The following PLCG2 variants were observed in gnomAD, a reference collection of about 807,000 sequenced individuals.
The protein encoded by PLCG2 is phospholipase C gamma 2.
A neutral mutation model predicts 175.6 loss-of-function variants in PLCG2; 69 were observed. That is an observed-to-expected ratio of 0.39 (90% CI 0.32 to 0.48). PLCG2 has a LOEUF of 0.48. Among genes scored for constraint, PLCG2 ranks in the 20% least tolerant of loss-of-function variants. The pLI, the probability that PLCG2 is intolerant of heterozygous loss-of-function variation, is 0.91. For synonymous variants in PLCG2, 827 were observed against 624.0 expected, an observed-to-expected ratio of 1.33 and a Z score of -4.85; for missense variants, 1,798 against 1,650.9, an observed-to-expected ratio of 1.09 and a Z score of -1.54.
upstream of PLCG2, among the ~76,000 whole-genome samples, chr16:81,776,429 C>T (rs1249128089): frequency 1.3e-5 from 2 of 151,368 alleles, no homozygotes; most frequent in Admixed American, 6.6e-5. Flanking sequence ...TCTTTCCCTA[C>T]CTATTTTATT....
intron 2 of PLCG2, among the ~76,000 whole-genome samples, chr16:81,822,835 A>G (rs1251131338): frequency 2.7e-5 from 4 of 150,682 alleles, no homozygotes; most frequent in African/African-American, 9.7e-5. Flanking sequence ...TGATGGCAAC[A>G]GAGGTTGGAA....
At position 81,937,923 on chromosome 16, in the gene PLCG2, C is replaced by G. The variant is rs141049260; in HGVS notation, c.3198+20C>G. 4.6e-4 allele frequency: 740 copies of G among 1,612,892 alleles called. No homozygotes were observed. The highest frequency in any genetic ancestry group is 5.5e-4 in the Non-Finnish European group (646 of 1,179,216). Reference sequence around the variant, plus strand: ...GTCAAGGTAAAGCCAGCCCTCCCTTCCTGCCAGGGGAGCCAGCCGCCCTCC... The same window carrying G: ...GTCAAGGTAAAGCCAGCCCTCCCTTGCTGCCAGGGGAGCCAGCCGCCCTCC... On this transcript the variant is annotated intron_variant, in intron 28 of 32. Coordinates refer to ENST00000564138, the MANE Select transcript of PLCG2 (RefSeq NM_002661.5).
chr16:81,751,565 T>A (rs1909813294), intron 1 of PLCG2, among the ~76,000 whole-genome samples: 1 of 152,098 alleles, frequency 6.6e-6, no homozygotes. Flanking sequence ...GCGTGGTAAA[T>A]GTCATTAATA....
chr16:81,800,528 C>T (rs1461763744), intron 2 of PLCG2, among the ~76,000 whole-genome samples: 1 of 152,130 alleles, frequency 6.6e-6, no homozygotes, highest in Non-Finnish European at 1.5e-5. Flanking sequence ...ATCTATGTCC[C>T]TGCGAAGGAC....
In PLCG2 at chr16:81,959,452, A is replaced by T. The variant is rs1473301535; in HGVS notation, c.*1454A>T. On this transcript the variant is annotated 3_prime_UTR_variant, in exon 33 of 33. Transcript: ENST00000564138. ...ACAGTGCCAAGATTTGGGGGTGTGG[A>T]TGTTTAAACAAAAAGCTGTGGGTCT... is the stretch of plus-strand genomic sequence containing the variant. 1.4e-5 allele frequency: 3 copies of T among 218,292 alleles called. No homozygotes were observed. The highest frequency in any genetic ancestry group is 2.8e-5 in the Non-Finnish European group (3 of 108,736). 13.5% of individuals were successfully genotyped at this position (218,292 alleles called of 1,614,324 possible).
chr16:81,944,057 T>TA (rs1911058454), intron 30 of PLCG2, among the ~76,000 whole-genome samples: 2 of 152,270 alleles, frequency 1.3e-5, no homozygotes, highest in Admixed American at 1.3e-4. Flanking sequence ...ATCCAGCCAT[T>TA]AAAAAATATA....
intron 7 of PLCG2, among the ~76,000 whole-genome samples, chr16:81,875,901 G>A (rs1203262870): frequency 1.3e-5 from 2 of 152,016 alleles, no homozygotes; most frequent in Non-Finnish European, 2.9e-5. Context: ...CTGTGACGAT[G>A]TTTGTGGAGG....
At chr16:81,932,857 G>GC (rs1242444572) in intron 25 of PLCG2, among the ~76,000 whole-genome samples, 1 of 152,234 alleles carries the variant, frequency 6.6e-6, no homozygotes, top group Non-Finnish European at 1.5e-5. Context: ...GGAACCATGA[G>GC]CTTGTAGCCA....
rs759221531 is a variant in PLCG2 at position 81,958,036 on chromosome 16, G to A, written c.*38G>A. 2.1e-5 allele frequency: 30 copies of A among 1,454,290 alleles called. No homozygotes were observed. The highest frequency in any genetic ancestry group is 1.7e-4 in the Middle Eastern group (1 of 5,800). 90.1% of individuals were successfully genotyped at this position (1,454,290 alleles called of 1,614,324 possible). ...GTGTGTAAGGGTATTGTGTGTGTGCGCATGTGTGTTTGCATGTAGGAGAAC... is the reference window on the plus strand; with the variant it reads ...GTGTGTAAGGGTATTGTGTGTGTGCACATGTGTGTTTGCATGTAGGAGAAC... On this transcript the variant is annotated 3_prime_UTR_variant, in exon 33 of 33. Transcript: ENST00000564138.
At chr16:81,820,988 G>A (rs1461286306) in intron 2 of PLCG2, among the ~76,000 whole-genome samples, 3 of 143,328 alleles carry the variant, frequency 2.1e-5, no homozygotes, top group Admixed American at 7.0e-5. Context: ...AACTCCTGAC[G>A]TCAAATGATC....
chr16:81,786,317 G>T, intron 2 of PLCG2, 135 bp downstream of exon 2: 1 of 745,722 alleles, frequency 1.3e-6, no homozygotes, highest in Non-Finnish European at 2.2e-6. Context: ...TAAAATGAAA[G>T]CATTGCCAGT....
chr16:81,914,766 A>T (rs1909770520), intron 19 of PLCG2, among the ~76,000 whole-genome samples: 1 of 152,068 alleles, frequency 6.6e-6, no homozygotes, highest in South Asian at 2.1e-4. Context: ...CTTATGTAAC[A>T]TTGGCTGGGA....
chr16:81,926,493 A>T (rs1185303351), intron 22 of PLCG2, among the ~76,000 whole-genome samples: 1 of 152,240 alleles, frequency 6.6e-6, no homozygotes, highest in Non-Finnish European at 1.5e-5. Context: ...GTTGTTATAA[A>T]GATAGGGAAC....
intron 31 of PLCG2, among the ~76,000 whole-genome samples, chr16:81,952,670 GTGAA>G (rs1318669420): frequency 1.3e-5 from 2 of 152,164 alleles, no homozygotes; most frequent in Admixed American, 1.3e-4. Context: ...CCACATGTCT[GTGAA>G]TGAATGAATA....
At chr16:81,803,124 TTTTTTTTTTTG>T (rs1301366318) in intron 2 of PLCG2, among the ~76,000 whole-genome samples, 1 of 138,342 alleles carries the variant, frequency 7.2e-6, no homozygotes, top group Admixed American at 7.7e-5. Context: ...TTTTTTTTTT[TTTTTTTTTTTG>T]TGAGACGGAA....
intron 2 of PLCG2, among the ~76,000 whole-genome samples, chr16:81,793,430 A>G (rs983668066): frequency 6.6e-6 from 1 of 152,070 alleles, no homozygotes; most frequent in African/African-American, 2.4e-5. Context: ...TCAGGAGCCG[A>G]TGTGGTGCCA....
chr16:81,785,808 C>A, intron 1 of PLCG2, 135 bp from the exon 2 acceptor site: 2 of 590,326 alleles, frequency 3.4e-6, no homozygotes, highest in South Asian at 4.1e-5. Flanking sequence ...CCAGCGATGC[C>A]TTGCCACTAG....
At chr16:81,859,620 C>T (rs529735848) in intron 5 of PLCG2, among the ~76,000 whole-genome samples, 33 of 152,074 alleles carry the variant, frequency 2.2e-4, no homozygotes, top group African/African-American at 7.7e-4. Context: ...CTGCGAGCTC[C>T]GCCTCCTGGG....
intron 7 of PLCG2, among the ~76,000 whole-genome samples, chr16:81,876,140 C>G (rs1294632756): frequency 6.6e-6 from 1 of 151,374 alleles, no homozygotes; most frequent in Non-Finnish European, 1.5e-5. Flanking sequence ...ATTCTCCCAC[C>G]TCAGCCTCCG....
Sources: gnomAD v4.1 joint callset for allele counts (sites outside exome capture counted in the v4.1 genomes callset) on GRCh38, gnomAD v4.1.1 for gene constraint, MANE v1.5 for transcripts, NCBI Gene and HGNC (gene_info 2026-07-23, HGNC 2026-07-21) for gene names.